PACS1: variants seen among roughly 807,000 people sequenced by gnomAD.
PACS1 encodes phosphofurin acidic cluster sorting protein 1.
A neutral mutation model predicts 115.0 loss-of-function variants in PACS1; 24 were observed. That is an observed-to-expected ratio of 0.21 (90% CI 0.15 to 0.29). The LOEUF (loss-of-function observed/expected upper bound fraction) is 0.29, where lower values mean the gene tolerates loss of function less well. Among genes scored for constraint, PACS1 ranks in the 10% least tolerant of loss-of-function variants. The pLI is 1.00. For missense variants in PACS1, 838 were observed against 1,251.2 expected, an observed-to-expected ratio of 0.67 and a Z score of 4.98; for synonymous variants, 453 against 504.5, an observed-to-expected ratio of 0.90 and a Z score of 1.37.
chr11:66,105,367 G>C (rs1230769813), intron 1 of PACS1, among the ~76,000 whole-genome samples: 1 of 152,212 alleles, frequency 6.6e-6, no homozygotes, highest in African/African-American at 2.4e-5. Context: ...AGGTTGCAGT[G>C]AGCTGAGACT....
intron 1 of PACS1, among the ~76,000 whole-genome samples, chr11:66,072,818 T>C (rs1281726720): frequency 6.6e-6 from 1 of 152,218 alleles, no homozygotes. Flanking sequence ...GCAGCTGCCT[T>C]CTCCATCTCG....
chr11:66,241,588 G>A lies in PACS1; in HGVS notation c.2591G>A (p.Ser864Asn). 6.2e-7 allele frequency: 1 copy of A among 1,614,194 alleles called. No individual in the cohort carries two copies. Among genetic ancestry groups the A allele is most frequent in the South Asian group, 1.1e-5 (1 of 91,084 alleles). The change falls in exon 22 of 24, where the codon AGT becomes AAT. Residue 864 changes from serine (S) to asparagine (N), a missense_variant. Transcript: ENST00000320580. ...GTGCAGGTGTCCCGCCTGCCCCATA[G>A]TGGGGAGGCCCAGCTTTCTGGCACC... ...RSVQVSRLPH[S>N]GEAQLSGTMA...
At chr11:66,074,928 ATTTTTTTTTGGTGTTT>A (rs1857368638) in intron 1 of PACS1, among the ~76,000 whole-genome samples, 1 of 136,714 alleles carries the variant, frequency 7.3e-6, no homozygotes. Flanking sequence ...AATTTTATTA[ATTTTTTTTTGGTGTTT>A]TTTTTTTTTT....
chr11:66,098,280 ATG>A (rs148339073), intron 1 of PACS1, among the ~76,000 whole-genome samples: 7 of 151,638 alleles, frequency 4.6e-5, no homozygotes, highest in East Asian at 1.9e-4. Context: ...TCTTTATCAG[ATG>A]TGTGTGTGTG....
At chr11:66,122,163 A>T (rs1157636288) in intron 1 of PACS1, among the ~76,000 whole-genome samples, 1 of 152,220 alleles carries the variant, frequency 6.6e-6, no homozygotes, top group African/African-American at 2.4e-5. Flanking sequence ...CTTAAAAATT[A>T]TGCTCAATCT....
chr11:66,090,005 C>CAAAAA lies in PACS1; in HGVS notation c.356+19179_356+19183dup, dbSNP rs33912143. Reference sequence around the variant, plus strand: ...TGGAGGACAGAGCGAGACTCCATCTCAAAAAAAAAAAAAAAAAAAAGAAAT... The same window carrying CAAAAA: ...TGGAGGACAGAGCGAGACTCCATCTCAAAAAAAAAAAAAAAAAAAAAAAAAGAAAT... On this transcript the variant is annotated intron_variant, in intron 1 of 23. Transcript: ENST00000320580. Among the ~76,000 whole-genome samples the CAAAAA allele has an allele frequency of 2.8e-3, 228 of 80,002 alleles. 5 individuals carry two copies. The highest frequency in any genetic ancestry group is 6.6e-3 in the African/African-American group (128 of 19,422). 52.5% of individuals were successfully genotyped at this position (80,002 alleles called of 152,430 possible).
chr11:66,217,459 G>A (rs1341550996), intron 7 of PACS1: 12 of 431,016 alleles, frequency 2.8e-5, no homozygotes, highest in Non-Finnish European at 4.3e-5. Flanking sequence ...ATTTCCGAAG[G>A]GGAATTCACA....
intron 1 of PACS1, chr11:66,083,934 C>T (rs944490935): frequency 3.9e-5 from 6 of 152,182 alleles, no homozygotes; most frequent in South Asian, 2.1e-4. Context: ...TTTACTGTTT[C>T]CTCATTTAGT....
intron 1 of PACS1, among the ~76,000 whole-genome samples, chr11:66,080,817 A>AT (rs1337433668): frequency 6.6e-6 from 1 of 152,212 alleles, no homozygotes; most frequent in Non-Finnish European, 1.5e-5. Context: ...GCTGTGTGGT[A>AT]TAGTGGCTGT....
Position 66,243,358 on chromosome 11 carries a change from C to T in PACS1, c.*78C>T, listed in dbSNP as rs964680790. On this transcript the variant is annotated 3_prime_UTR_variant, in exon 24 of 24. Coordinates refer to ENST00000320580, the MANE Select transcript of PACS1 (RefSeq NM_018026.4). ...CTGCGGGCAGGGGGAGGCCAGCAGG[C>T]CCGGGCCCAGCACCCCTTCCCTGGC... 1.1e-5 allele frequency: 11 copies of T among 983,054 alleles called. No individual in the cohort carries two copies. The East Asian group carries it at 2.6e-4, about 23-fold the overall frequency. 60.9% of individuals were successfully genotyped at this position (983,054 alleles called of 1,614,324 possible).
At chr11:66,229,910 T>C (rs1234754281) in intron 11 of PACS1, among the ~76,000 whole-genome samples, 1 of 150,178 alleles carries the variant, frequency 6.7e-6, no homozygotes, top group African/African-American at 2.5e-5. Context: ...TGCGCCAAGA[T>C]TGTGCCACTG....
Position 66,220,696 on chromosome 11 carries a change from A to G in PACS1, c.1104A>G (p.Glu368=), listed in dbSNP as rs1449665716. 6.2e-7 allele frequency: 1 copy of G among 1,614,026 alleles called. No homozygotes were observed. The change falls in exon 9 of 24, where the codon GAA becomes GAG. Residue 368 remains glutamate, a synonymous_variant. Coordinates refer to ENST00000320580, the MANE Select transcript of PACS1 (RefSeq NM_018026.4). The stretch of plus-strand genomic sequence containing the variant: ...GGGAAGTGGAAGAGGACTTGGATGA[A>G]TTGTATGACAGTCTGGAGATGTACA... ...QIREVEEDLD[E]LYDSLEMYNP...
rs1232257406 is a variant in PACS1 at position 66,164,711 on chromosome 11, A to G, written c.357-28775A>G. ...TGATCCTCCTGCCTCAGCCTCCCAA[A>G]GTGCAGGAATTACAGGTGTGAGCCA... On this transcript the variant is annotated intron_variant, in intron 1 of 23. Coordinates refer to ENST00000320580, the MANE Select transcript of PACS1 (RefSeq NM_018026.4). Among the ~76,000 whole-genome samples, 3 of 149,762 alleles carry G rather than the reference A, an allele frequency of 2.0e-5. No homozygotes were observed. The East Asian group carries it at 6.0e-4, about 30-fold the overall frequency.
At chr11:66,096,703 A>C (rs777797808) in intron 1 of PACS1, among the ~76,000 whole-genome samples, 1 of 151,430 alleles carries the variant, frequency 6.6e-6, no homozygotes, top group African/African-American at 2.4e-5. Context: ...GGGTTTCTCC[A>C]TGTTGGTCAG....
chr11:66,236,729 A>G lies in PACS1; in HGVS notation c.2250+789A>G, dbSNP rs1855712120. Among the ~76,000 whole-genome samples the G allele has an allele frequency of 6.6e-6, 1 of 151,292 alleles. No individual in the cohort carries two copies. Among genetic ancestry groups the G allele is most frequent in the African/African-American group, 2.4e-5 (1 of 41,146 alleles). On this transcript the variant is annotated intron_variant, in intron 19 of 23. Coordinates refer to ENST00000320580, the MANE Select transcript of PACS1 (RefSeq NM_018026.4). This position sits in a 1 kb window ranked among gnomAD's most constrained non-coding sequence, Gnocchi z 4.2. ...CGATTTCCACTTAAAAGAGCTTTAC[A>G]TTTCCCTTCGAAACCAGCTTCTATC...
chr11:66,152,814 A>G (rs903935772), intron 1 of PACS1, among the ~76,000 whole-genome samples: 2 of 152,230 alleles, frequency 1.3e-5, no homozygotes, highest in Non-Finnish European at 2.9e-5. Flanking sequence ...TTCATCAGAA[A>G]TGAAGGAGGC....
chr11:66,214,067 T>TATTCTCA (rs1855142117), intron 4 of PACS1, among the ~76,000 whole-genome samples: 2 of 150,464 alleles, frequency 1.3e-5, no homozygotes, highest in South Asian at 4.2e-4. Flanking sequence ...AGGCTGTGAT[T>TATTCTCA]ATTCTCAATA....
In PACS1 at chr11:66,098,993, T is replaced by C. The variant is rs748836360; in HGVS notation, c.356+28151T>C. Among the ~76,000 whole-genome samples, 79 of 152,138 alleles carry C rather than the reference T, an allele frequency of 5.2e-4. 1 individual carries two copies. The highest frequency in any genetic ancestry group is 1.8e-3 in the African/African-American group (74 of 41,434). Reference sequence around the variant, plus strand: ...TGTTGGTGTCTTCCAGGTATCTCTGTTTTTCTTACTGTAATGCCATTGTTT... The same window carrying C: ...TGTTGGTGTCTTCCAGGTATCTCTGCTTTTCTTACTGTAATGCCATTGTTT... On this transcript the variant is annotated intron_variant, in intron 1 of 23. Coordinates refer to ENST00000320580, the MANE Select transcript of PACS1 (RefSeq NM_018026.4).
chr11:66,126,174 A>T (rs932847284), intron 1 of PACS1, among the ~76,000 whole-genome samples: 3 of 152,136 alleles, frequency 2.0e-5, no homozygotes, highest in African/African-American at 7.2e-5. Flanking sequence ...TCTGATTTCT[A>T]TCACCAGTGG....
Sources: gnomAD v4.1 joint callset for allele counts (sites outside exome capture counted in the v4.1 genomes callset) on GRCh38, gnomAD v4.1.1 for gene constraint, Gnocchi (gnomAD v3.1) non-coding constraint, MANE v1.5 for transcripts, NCBI Gene and HGNC (gene_info 2026-07-23, HGNC 2026-07-21) for gene names.